The following VEPH1 variants were observed in gnomAD, a reference collection of about 807,000 sequenced individuals.
VEPH1 encodes the protein ventricular zone-expressed PH domain-containing protein homolog 1.
Under a neutral mutation model 85.2 loss-of-function variants are expected in VEPH1, and 80 were observed. The observed-to-expected ratio is 0.94, with a 90% confidence interval of 0.78 to 1.13. The LOEUF is 1.13. Among genes scored for constraint, VEPH1 ranks in the 50% most tolerant of loss-of-function variants. VEPH1 has a pLI of 0.00. For missense variants in VEPH1, 955 were observed against 980.5 expected, an observed-to-expected ratio of 0.97 and a Z score of 0.35; for synonymous variants, 297 against 348.0, an observed-to-expected ratio of 0.85 and a Z score of 1.63.
chr3:157,329,048 C>CAATT (rs2108591887), intron 9 of VEPH1, among the ~76,000 whole-genome samples: 1 of 152,300 alleles, frequency 6.6e-6, no homozygotes, highest in African/African-American at 2.4e-5. Context: ...GATGAAGCAG[C>CAATT]AATTATTAGT....
At chr3:157,314,310 G>A (rs1035428103) in intron 10 of VEPH1, among the ~76,000 whole-genome samples, 6 of 117,402 alleles carry the variant, frequency 5.1e-5, no homozygotes, top group African/African-American at 1.9e-4. Context: ...TCCAGCCTGG[G>A]TGACAGAGGG....
At chr3:157,341,036 TCAAAGAC>T (rs1723495197) in intron 9 of VEPH1, among the ~76,000 whole-genome samples, 1 of 151,758 alleles carries the variant, frequency 6.6e-6, no homozygotes, top group Admixed American at 6.6e-5. Flanking sequence ...ATCACCATCA[TCAAAGAC>T]CAAAGGTAGA....
intron 4 of VEPH1, among the ~76,000 whole-genome samples, chr3:157,447,425 T>C (rs1734634734): frequency 6.6e-6 from 1 of 152,204 alleles, no homozygotes; most frequent in Non-Finnish European, 1.5e-5. Flanking sequence ...GATTGCTTAG[T>C]AGCTTGTTTC....
At chr3:157,316,837 A>G (rs1221480578) in intron 10 of VEPH1, among the ~76,000 whole-genome samples, 1 of 152,124 alleles carries the variant, frequency 6.6e-6, no homozygotes, top group Admixed American at 6.5e-5. Context: ...AAAGCTAAGG[A>G]TATTTAAGAC....
At chr3:157,297,027 G>A (rs940425325) in intron 11 of VEPH1, among the ~76,000 whole-genome samples, 6 of 152,128 alleles carry the variant, frequency 3.9e-5, no homozygotes, top group African/African-American at 1.4e-4. Context: ...CAGCATATTG[G>A]GAGGCTGAGG....
chr3:157,448,183 A>C (rs940533550), intron 4 of VEPH1, among the ~76,000 whole-genome samples: 9 of 152,190 alleles, frequency 5.9e-5, no homozygotes, highest in Non-Finnish European at 1.2e-4. Flanking sequence ...TTTGTCTCAC[A>C]CAGAGAAAAA....
At chr3:157,277,987 G>A (rs1715612431) in intron 12 of VEPH1, among the ~76,000 whole-genome samples, 1 of 152,134 alleles carries the variant, frequency 6.6e-6, no homozygotes, top group Non-Finnish European at 1.5e-5. Flanking sequence ...TTTCTGAGAA[G>A]ACACTAACTT....
rs530620182 is a variant in VEPH1 at position 157,428,361 on chromosome 3, T to C, written c.657A>G (p.Leu219=). 2.5e-6 allele frequency: 4 copies of C among 1,614,090 alleles called. No individual in the cohort carries two copies. The highest frequency in any genetic ancestry group is 1.7e-6 in the Non-Finnish European group (2 of 1,179,968). ...QLEQPEQYHL[L]RLLHVAAKKK... ...TCTTTGCTGCTACATGCAAAAGCCGTAGTAGATGGTACTGTTCTGGCTGTT... is the reference window on the plus strand; with the variant it reads ...TCTTTGCTGCTACATGCAAAAGCCGCAGTAGATGGTACTGTTCTGGCTGTT... The change falls in exon 5 of 14, where the codon CTA becomes CTG. Residue 219 remains leucine, a synonymous_variant. Transcript: ENST00000362010.
chr3:157,391,876 C>T (rs1427908435), intron 6 of VEPH1, among the ~76,000 whole-genome samples: 3 of 152,162 alleles, frequency 2.0e-5, no homozygotes, highest in Admixed American at 2.0e-4. Context: ...AATCCCATCA[C>T]GCTAACAGAC....
chr3:157,369,979 G>C (rs1368202126), intron 7 of VEPH1, among the ~76,000 whole-genome samples: 2 of 152,096 alleles, frequency 1.3e-5, no homozygotes. Context: ...TTTTCCATTT[G>C]TCACTTTTGA....
At chr3:157,417,677 T>C (rs2109054823) in intron 5 of VEPH1, among the ~76,000 whole-genome samples, 1 of 152,274 alleles carries the variant, frequency 6.6e-6, no homozygotes, top group South Asian at 2.1e-4. Context: ...GAGAGAAATC[T>C]CATACTTTCA....
At chr3:157,297,624 G>A (rs1718294722) in intron 11 of VEPH1, among the ~76,000 whole-genome samples, 2 of 152,088 alleles carry the variant, frequency 1.3e-5, no homozygotes. Flanking sequence ...AAAGAATGCA[G>A]TACTAAGCAT....
chr3:157,489,764 T>C (rs1043498900), intron 2 of VEPH1, among the ~76,000 whole-genome samples: 9 of 152,020 alleles, frequency 5.9e-5, no homozygotes, highest in African/African-American at 2.2e-4. Flanking sequence ...TCCAGTACAG[T>C]GTCTGAAACA....
intron 9 of VEPH1, among the ~76,000 whole-genome samples, chr3:157,354,852 C>T (rs1170888999): frequency 6.6e-6 from 1 of 152,110 alleles, no homozygotes; most frequent in African/African-American, 2.4e-5. Flanking sequence ...CATTTGCTTC[C>T]TAAGGAGTCT....
chr3:157,283,802 T>C (rs1486108282), intron 12 of VEPH1, among the ~76,000 whole-genome samples: 1 of 152,258 alleles, frequency 6.6e-6, no homozygotes, highest in Non-Finnish European at 1.5e-5. Flanking sequence ...ACGTGAATAC[T>C]TGAAAACAAT....
intron 10 of VEPH1, 40 bp downstream of exon 10, chr3:157,317,021 GA>G (rs1185230363): frequency 5.1e-6 from 8 of 1,583,472 alleles, no homozygotes; most frequent in Non-Finnish European, 1.7e-6. Context: ...CCATATCCCA[GA>G]AGCTCATTAA....
chr3:157,378,178 C>A (rs920917598), intron 7 of VEPH1, among the ~76,000 whole-genome samples: 1 of 151,942 alleles, frequency 6.6e-6, no homozygotes, highest in South Asian at 2.1e-4. Context: ...TGGCCAACAG[C>A]GACTTTGTGG....
chr3:157,326,839 G>A lies in VEPH1; in HGVS notation c.1736-9638C>T, dbSNP rs969606165. On this transcript the variant is annotated intron_variant, in intron 9 of 13. Coordinates refer to ENST00000362010, the MANE Select transcript of VEPH1 (RefSeq NM_001167912.2). ...CAGGTGGCCCTCAGCACCAACACAG[G>A]GTAGCCAACTTAATTAAAAGCACAG... 2.0e-5 allele frequency among the ~76,000 whole-genome samples: 3 copies of A among 152,132 alleles called. No homozygotes were observed. In the South Asian group the frequency reaches 6.2e-4, roughly 31 times the overall value.
In VEPH1 at chr3:157,500,685, T is replaced by C. The variant is rs556125520; in HGVS notation, c.-158+2592A>G. ...ATATTGCTTTAGCCTTCCCTTTTAA[T>C]CCTCTATTCATTATTACTGATTTTT... On this transcript the variant is annotated intron_variant, in intron 1 of 13. Coordinates refer to ENST00000362010, the MANE Select transcript of VEPH1 (RefSeq NM_001167912.2). Among the ~76,000 whole-genome samples the C allele has an allele frequency of 5.3e-4, 80 of 152,328 alleles. No homozygotes were observed. The Middle Eastern group carries it at 0.01, about 19-fold the overall frequency.
Sources: allele counts gnomAD v4.1 joint callset (sites outside exome capture counted in the v4.1 genomes callset), GRCh38; gene constraint gnomAD v4.1.1; transcripts MANE v1.5; gene names NCBI Gene and HGNC (gene_info 2026-07-23, HGNC 2026-07-21).